PKD1L3: variants seen among roughly 807,000 people sequenced by gnomAD.
The protein encoded by PKD1L3 is polycystin 1 like 3, transient receptor potential channel interacting, also known as polycystin-1-like protein 3.
In PKD1L3, 239 loss-of-function variants were observed where a neutral mutation model predicts 184.1. That is an observed-to-expected ratio of 1.30 (90% CI 1.17 to 1.45). The LOEUF (loss-of-function observed/expected upper bound fraction) is 1.45. Ranked by LOEUF, PKD1L3 falls within the 40% of genes most tolerant of loss-of-function variation. The probability of loss-of-function intolerance (pLI) is 0.00; values close to 1 mark genes in which losing one functional copy is unlikely to be tolerated. For synonymous variants in PKD1L3, 996 were observed against 778.8 expected, an observed-to-expected ratio of 1.28 and a Z score of -4.64; for missense variants, 2,660 against 2,067.2, an observed-to-expected ratio of 1.29 and a Z score of -5.56.
In PKD1L3 at chr16:71,993,280, A is replaced by T. The variant is rs1045246491; in HGVS notation, c.471T>A (p.His157Gln). Reference protein sequence around the residue: ...AHYERNGNNSHLYQRHKKTKR... With the variant: ...AHYERNGNNSQLYQRHKKTKR... ...TTGTCTTCTTGTGTCTCTGGTACAA[A>T]TGGGAATTATTTCCATTTCTTTCAT... The change falls in exon 3 of 30, where the codon CAT becomes CAA. Residue 157 changes from histidine to glutamine, a missense_variant. His to Gln is a conservative substitution (Grantham distance 24). Transcript: ENST00000620267. 10 of 1,550,382 alleles carry T rather than the reference A, an allele frequency of 6.5e-6. No individual in the cohort carries two copies. Among genetic ancestry groups the T allele is most frequent in the Non-Finnish European group, 8.7e-6 (10 of 1,146,658 alleles).
Position 71,950,147 on chromosome 16 carries a change from ATG to A in PKD1L3, c.3352_3353del (p.His1118TyrfsTer47), listed in dbSNP as rs1597304954. 1.3e-6 allele frequency: 2 copies of A among 1,552,060 alleles called. No individual in the cohort carries two copies. Among genetic ancestry groups the A allele is most frequent in the African/African-American group, 1.4e-5 (1 of 73,008 alleles). On this transcript the variant is annotated frameshift_variant, in exon 20 of 30. Coordinates refer to ENST00000620267, the MANE Select transcript of PKD1L3 (RefSeq NM_181536.2). LOFTEE classifies it high-confidence loss of function. ...ATGGCTCTTGCTCCGTGGGAAGAATATGTGTTTCCAAGAGTTCCTGGAGTTTT... is the reference window on the plus strand; with the variant it reads ...ATGGCTCTTGCTCCGTGGGAAGAATATGTTTCCAAGAGTTCCTGGAGTTTT... ...LQKLQELLET[H>X]ILPTEQEPSR...
rs545366386 is a variant in PKD1L3 at position 71,951,625 on chromosome 16, G to C, written c.3129C>G (p.Leu1043=). 3 of 1,551,644 alleles carry C rather than the reference G, an allele frequency of 1.9e-6. No homozygotes were observed. In the African/African-American group the frequency reaches 4.1e-5, roughly 21 times the overall value. ...ITKLVKLLSS[L]VSSHLEGQGC... ...CTTGACCCTCCAAGTGAGATGATAC[G>C]AGGCTGGATAAAAGTTTCACCAGCT... is the stretch of plus-strand genomic sequence containing the variant. Residue 1043 remains leucine (L), a synonymous_variant, in exon 19 of 30, where the codon CTC becomes CTG. Transcript: ENST00000620267.
intron 10 of PKD1L3, among the ~76,000 whole-genome samples, chr16:71,977,858 T>A (rs2039991213): frequency 6.6e-6 from 1 of 152,160 alleles, no homozygotes; most frequent in Non-Finnish European, 1.5e-5. Flanking sequence ...CACTGCAAAC[T>A]CCACCTCCTG....
At chr16:71,957,283 TAAAG>T (rs1386150965) in intron 16 of PKD1L3, among the ~76,000 whole-genome samples, 6 of 151,678 alleles carry the variant, frequency 4.0e-5, no homozygotes, top group Non-Finnish European at 8.8e-5. Context: ...AAGGCAGTGA[TAAAG>T]AAACAGAGGA....
chr16:71,998,289 T>C lies in PKD1L3; in HGVS notation c.401A>G (p.Tyr134Cys). Residue 134 changes from tyrosine (Y) to cysteine (C), a missense_variant, in exon 2 of 30, where the codon TAT becomes TGT. Coordinates refer to ENST00000620267, the MANE Select transcript of PKD1L3 (RefSeq NM_181536.2). ...SKGDKCLLKY[Y>C]FICQTGDFLD... is the part of the protein sequence containing the mutation. ...TCACTTACCAGTCTGGCAAATGAAATAGTATTTCAGTAAGCACTTGTCCCC... is the reference window on the plus strand; with the variant it reads ...TCACTTACCAGTCTGGCAAATGAAACAGTATTTCAGTAAGCACTTGTCCCC... The C allele has an allele frequency of 1.3e-6, 2 of 1,552,116 alleles. No individual in the cohort carries two copies. Among genetic ancestry groups the C allele is most frequent in the Middle Eastern group, 1.7e-4 (1 of 5,998 alleles).
intron 28 of PKD1L3, among the ~76,000 whole-genome samples, chr16:71,931,839 T>G (rs1231291351): frequency 6.6e-6 from 1 of 152,162 alleles, no homozygotes. Flanking sequence ...GAAATAAACT[T>G]TAGATTACCT....
rs942243062 is a variant in PKD1L3 at position 71,982,268 on chromosome 16, G to A, written c.967-33C>T. ...GATTAGAAAGCAAACATACACCCTTGAATTGTTTGCTTTTTTTTTTTTTTT... is the reference window on the plus strand; with the variant it reads ...GATTAGAAAGCAAACATACACCCTTAAATTGTTTGCTTTTTTTTTTTTTTT... On this transcript the variant is annotated intron_variant, in intron 6 of 29. Coordinates refer to ENST00000620267, the MANE Select transcript of PKD1L3 (RefSeq NM_181536.2). 6 of 595,136 alleles carry A rather than the reference G, an allele frequency of 1.0e-5. No homozygotes were observed. The South Asian group carries it at 1.3e-4, about 13-fold the overall frequency. 36.9% of individuals were successfully genotyped at this position (595,136 alleles called of 1,614,324 possible).
intron 19 of PKD1L3, among the ~76,000 whole-genome samples, chr16:71,951,110 G>C (rs1348493904): frequency 1.3e-5 from 2 of 151,912 alleles, no homozygotes; most frequent in Non-Finnish European, 2.9e-5. Context: ...CGCGATCTCA[G>C]CTCACTGCAA....
intron 28 of PKD1L3, 80 bp from the exon 29 acceptor site, chr16:71,930,263 G>C: frequency 1.5e-6 from 2 of 1,360,228 alleles, no homozygotes; most frequent in Non-Finnish European, 1.9e-6. Flanking sequence ...GCTAGTGTTT[G>C]GGATCTTATC....
chr16:71,976,715 T>G (rs1474692679), intron 11 of PKD1L3, among the ~76,000 whole-genome samples: 1 of 152,124 alleles, frequency 6.6e-6, no homozygotes, highest in Non-Finnish European at 1.5e-5. Flanking sequence ...AGCTGGGAGT[T>G]CAAGACCAGC....
intron 16 of PKD1L3, among the ~76,000 whole-genome samples, chr16:71,960,017 A>G (rs1030026721): frequency 1.3e-5 from 2 of 152,164 alleles, no homozygotes; most frequent in African/African-American, 4.8e-5. Context: ...GCTACTCAGG[A>G]AGCTGAGGTG....
intron 2 of PKD1L3, among the ~76,000 whole-genome samples, chr16:71,994,578 T>C (rs898097533): frequency 2.0e-5 from 3 of 152,194 alleles, no homozygotes; most frequent in African/African-American, 7.2e-5. Flanking sequence ...CAACTTATAT[T>C]GGCCTCATGA....
At chr16:71,954,355 C>A in intron 16 of PKD1L3, 54 bp from the exon 17 acceptor site, 1 of 1,388,950 alleles carries the variant, frequency 7.2e-7, no homozygotes. Context: ...TGAAAGTGCA[C>A]CAGTTTAAGA....
intron 4 of PKD1L3, among the ~76,000 whole-genome samples, chr16:71,987,694 A>C (rs2040427157): frequency 6.6e-6 from 1 of 151,804 alleles, no homozygotes; most frequent in African/African-American, 2.4e-5. Context: ...TTTTTTAGAC[A>C]GGATTTCACT....
intron 1 of PKD1L3, among the ~76,000 whole-genome samples, chr16:71,999,321 A>G (rs548144307): frequency 5.3e-5 from 8 of 152,202 alleles, no homozygotes; most frequent in African/African-American, 1.9e-4. Context: ...GACAATAGGT[A>G]GATACTCTTC....
In PKD1L3 at chr16:71,952,941, G is replaced by A. The variant is rs1477770331; in HGVS notation, c.2962C>T (p.Leu988Phe). Residue 988 changes from leucine to phenylalanine, a missense_variant, in exon 18 of 30, where the codon CTC becomes TTC. Coordinates refer to ENST00000620267, the MANE Select transcript of PKD1L3 (RefSeq NM_181536.2). ...AGAGGCTCAACAGAAGCATCTGAGA[G>A]GCAGGAGGCCTGGATGGGAGGAAAG... Reference protein sequence around the residue: ...PLFPPIQASCLSDASVEPLSA... With the variant: ...PLFPPIQASCFSDASVEPLSA... 2 of 1,551,190 alleles carry A rather than the reference G, an allele frequency of 1.3e-6. No individual in the cohort carries two copies. The highest frequency in any genetic ancestry group is 2.4e-5 in the East Asian group (1 of 40,904).
At position 71,978,321 on chromosome 16, in the gene PKD1L3, A is replaced by G. The variant is rs771117758; in HGVS notation, c.1461T>C (p.Ile487=). The part of the protein sequence containing the change: ...DLDNRNIVGS[I]GSVLLSANRK... ...GATTAGCGCTTAGTAACACACTTCCAATGCTTCCAACAATGTTTCTGTTGT... is the reference window on the plus strand; with the variant it reads ...GATTAGCGCTTAGTAACACACTTCCGATGCTTCCAACAATGTTTCTGTTGT... The change falls in exon 10 of 30, where the codon ATT becomes ATC. Residue 487 remains isoleucine (I), a synonymous_variant. Coordinates refer to ENST00000620267, the MANE Select transcript of PKD1L3 (RefSeq NM_181536.2). 2 of 1,550,874 alleles carry G rather than the reference A, an allele frequency of 1.3e-6. No individual in the cohort carries two copies. The highest frequency in any genetic ancestry group is 1.2e-5 in the South Asian group (1 of 84,044).
At chr16:71,978,500 TA>T in intron 9 of PKD1L3, 117 bp from the exon 10 acceptor site, 3 of 111,100 alleles carry the variant, frequency 2.7e-5, no homozygotes, top group Non-Finnish European at 4.3e-5. Flanking sequence ...TGTGTGTATA[TA>T]TATATATATA....
At chr16:71,978,172 T>G in intron 10 of PKD1L3, 83 bp downstream of exon 10, 1 of 1,418,062 alleles carries the variant, frequency 7.1e-7, no homozygotes, top group Non-Finnish European at 9.6e-7. Context: ...CTAACATAAT[T>G]CCCTTTAAGT....
Sources: gnomAD v4.1 joint callset for allele counts (sites outside exome capture counted in the v4.1 genomes callset) on GRCh38, gnomAD v4.1.1 for gene constraint, MANE v1.5 for transcripts, NCBI Gene and HGNC (gene_info 2026-07-23, HGNC 2026-07-21) for gene names.